The following RPTOR variants were observed in gnomAD, a reference collection of about 807,000 sequenced individuals.
RPTOR encodes the protein regulatory-associated protein of mTOR.
RPTOR carries 21 observed loss-of-function variants against 169.9 expected under a neutral mutation model. That is an observed-to-expected ratio of 0.12 (90% CI 0.09 to 0.18). The LOEUF is 0.18. RPTOR is among the 10% of genes least tolerant of loss of function. The pLI is 1.00. For synonymous variants in RPTOR, 732 were observed against 753.2 expected (o/e 0.97, Z 0.46); for missense variants, 1,133 against 1,855.9 (o/e 0.61, Z 7.16).
chr17:80,906,423 A>C (rs1379799308), intron 20 of RPTOR, among the ~76,000 whole-genome samples: 2 of 152,220 alleles, frequency 1.3e-5, no homozygotes, highest in African/African-American at 4.8e-5. Flanking sequence ...CTGTCCCAGT[A>C]CACGCGGTGC....
chr17:80,797,663 T>C (rs985724844), intron 7 of RPTOR, among the ~76,000 whole-genome samples: 8 of 152,278 alleles, frequency 5.3e-5, no homozygotes, highest in Admixed American at 4.6e-4. Flanking sequence ...TGTTTAATAG[T>C]GTCTTCCATG....
At chr17:80,944,572 C>T (rs1421976557) in intron 25 of RPTOR, among the ~76,000 whole-genome samples, 1 of 152,224 alleles carries the variant, frequency 6.6e-6, no homozygotes, top group Non-Finnish European at 1.5e-5. Flanking sequence ...TGTGCCTGCT[C>T]CTCAGCAGGT....
At chr17:80,914,541 C>T (rs746175839) in intron 21 of RPTOR, among the ~76,000 whole-genome samples, 17 of 152,212 alleles carry the variant, frequency 1.1e-4, no homozygotes, top group Non-Finnish European at 2.5e-4. Flanking sequence ...GGCTTGGAAG[C>T]GTCTGCTCCC....
chr17:80,639,596 C>T (rs2065536325), intron 2 of RPTOR, among the ~76,000 whole-genome samples: 2 of 152,154 alleles, frequency 1.3e-5, no homozygotes. Flanking sequence ...CTGTGGGCTT[C>T]TGAGGGGAGG....
At chr17:80,689,497 AAG>A (rs1320065001) in intron 3 of RPTOR, among the ~76,000 whole-genome samples, 1 of 152,220 alleles carries the variant, frequency 6.6e-6, no homozygotes, top group Non-Finnish European at 1.5e-5. Context: ...AGTGCTTTGT[AAG>A]CGCCAAGGAT....
At chr17:80,835,583 A>T (rs906801207) in intron 9 of RPTOR, among the ~76,000 whole-genome samples, 7 of 152,304 alleles carry the variant, frequency 4.6e-5, no homozygotes, top group African/African-American at 1.7e-4. Flanking sequence ...CCAAAATCCG[A>T]AACTCTGTGA....
At position 80,651,931 on chromosome 17, in the gene RPTOR, C is replaced by T. The variant is rs1157484503; in HGVS notation, c.348+8121C>T. On this transcript the variant is annotated intron_variant, in intron 3 of 33. Coordinates refer to ENST00000306801, the MANE Select transcript of RPTOR (RefSeq NM_020761.3). The surrounding 1 kb of genome is among the most constrained non-coding windows in gnomAD (Gnocchi z 4.1). Reference sequence around the variant, plus strand: ...GCTGAGGCAGGAGAATGGCATGAACCCGGGAGGTGGAGCTTGCAGTGAGCT... The same window carrying T: ...GCTGAGGCAGGAGAATGGCATGAACTCGGGAGGTGGAGCTTGCAGTGAGCT... Among the ~76,000 whole-genome samples, 1 of 152,098 alleles carries T rather than the reference C, an allele frequency of 6.6e-6. No homozygotes were observed. The highest frequency in any genetic ancestry group is 2.4e-5 in the African/African-American group (1 of 41,416).
At chr17:80,800,337 A>T (rs944748148) in intron 7 of RPTOR, among the ~76,000 whole-genome samples, 8 of 152,172 alleles carry the variant, frequency 5.3e-5, no homozygotes, top group African/African-American at 1.9e-4. Flanking sequence ...GGTTTATTTC[A>T]AACAGCAGCA....
At chr17:80,588,194 G>C (rs1033049517) in intron 1 of RPTOR, among the ~76,000 whole-genome samples, 1 of 143,572 alleles carries the variant, frequency 7.0e-6, no homozygotes, top group African/African-American at 2.6e-5. Context: ...ATGGAATCTC[G>C]CCATGTCGCC....
At chr17:80,799,070 G>A (rs774730211) in intron 7 of RPTOR, among the ~76,000 whole-genome samples, 5 of 152,212 alleles carry the variant, frequency 3.3e-5, no homozygotes, top group South Asian at 4.1e-4. Context: ...CCTCCCGAGC[G>A]TGATATGACC....
In RPTOR at chr17:80,722,369, A is replaced by G. The variant is rs760308943; in HGVS notation, c.508-8191A>G. 5.9e-5 allele frequency among the ~76,000 whole-genome samples: 9 copies of G among 151,286 alleles called. 1 individual carries two copies. The highest frequency in any genetic ancestry group is 1.3e-4 in the Non-Finnish European group (9 of 68,018). ...AGGCAGTATTTAAAACCAGGGAGTT[A>G]TATTTGATTGCCTGGGAGAAGATGT... On this transcript the variant is annotated intron_variant, in intron 4 of 33. Transcript: ENST00000306801.
intron 11 of RPTOR, among the ~76,000 whole-genome samples, chr17:80,849,948 A>C (rs909200032): frequency 1.1e-4 from 17 of 152,256 alleles, no homozygotes; most frequent in Admixed American, 1.0e-3. Context: ...AAGCCCAGGC[A>C]GGGGAACGAA....
chr17:80,732,099 G>T (rs376815341), intron 5 of RPTOR, among the ~76,000 whole-genome samples: 1 of 152,108 alleles, frequency 6.6e-6, no homozygotes, highest in South Asian at 2.1e-4. Context: ...TATCTAATGA[G>T]CATTAAGAAA....
chr17:80,893,364 G>A (rs937384772), intron 19 of RPTOR, among the ~76,000 whole-genome samples: 4 of 150,036 alleles, frequency 2.7e-5, no homozygotes, highest in Admixed American at 1.3e-4. Flanking sequence ...TGTGTGCTGG[G>A]TGTGTGTGCA....
At chr17:80,563,017 T>C (rs1161532849) in intron 1 of RPTOR, among the ~76,000 whole-genome samples, 1 of 152,140 alleles carries the variant, frequency 6.6e-6, no homozygotes, top group African/African-American at 2.4e-5. Context: ...CCTGCATCAA[T>C]AGTGGGCCGT....
intron 10 of RPTOR, among the ~76,000 whole-genome samples, chr17:80,839,835 A>C (rs555133912): frequency 2.6e-5 from 4 of 152,248 alleles, no homozygotes; most frequent in Admixed American, 6.5e-5. Flanking sequence ...TGCTCTTTCT[A>C]AACGAATACT....
At chr17:80,610,558 A>G (rs1238064015) in intron 1 of RPTOR, among the ~76,000 whole-genome samples, 1 of 152,156 alleles carries the variant, frequency 6.6e-6, no homozygotes, top group East Asian at 1.9e-4. Flanking sequence ...AGGAAAGGGC[A>G]GAAGGCTGAT....
At chr17:80,590,012 G>A (rs536265716) in intron 1 of RPTOR, among the ~76,000 whole-genome samples, 29 of 152,212 alleles carry the variant, frequency 1.9e-4, no homozygotes, top group African/African-American at 6.7e-4. Flanking sequence ...ACGATTTTTT[G>A]AGCTAATTTC....
intron 9 of RPTOR, among the ~76,000 whole-genome samples, chr17:80,830,752 C>CTTT (rs34990055): frequency 1.4e-5 from 2 of 142,740 alleles, no homozygotes; most frequent in African/African-American, 2.6e-5. Context: ...TCATTTTCAT[C>CTTT]TTTTTTTTTT....
Sources: allele counts gnomAD v4.1 joint callset (sites outside exome capture counted in the v4.1 genomes callset), GRCh38; gene constraint gnomAD v4.1.1; non-coding constraint Gnocchi (gnomAD v3.1); transcripts MANE v1.5; gene names NCBI Gene and HGNC (gene_info 2026-07-23, HGNC 2026-07-21).